Variants in GPR173 observed in about 807,000 individuals in gnomAD.
GPR173 encodes the protein G protein-coupled receptor 173.
Under a neutral mutation model 13.9 loss-of-function variants are expected in GPR173, and 2 were observed. The observed-to-expected ratio is 0.14, with a 90% CI of 0.06 to 0.45. The LOEUF is 0.45. Among genes scored for constraint, GPR173 ranks in the 20% least tolerant of loss-of-function variants. The pLI, the probability that GPR173 is intolerant of heterozygous loss-of-function variation, is 0.98. For missense variants in GPR173, 202 were observed against 340.5 expected, an observed-to-expected ratio of 0.59 and a Z score of 3.20; for synonymous variants, 131 against 141.0, an observed-to-expected ratio of 0.93 and a Z score of 0.50.
rs1356671714 is a variant in GPR173 at position 53,079,717 on chromosome X, G to C, written c.*1974G>C. The stretch of plus-strand genomic sequence containing the variant: ...AGGCACTCCTGAAGAAAACTTGCCC[G>C]GTGCACACACGTAAAATGCCTGTAT... On this transcript the variant is annotated 3_prime_UTR_variant, in exon 2 of 2. Coordinates refer to ENST00000332582, the MANE Select transcript of GPR173 (RefSeq NM_018969.6). 8.3e-6 allele frequency: 1 copy of C among 120,942 alleles called. No homozygotes were observed. Among genetic ancestry groups the C allele is most frequent in the Non-Finnish European group, 1.9e-5 (1 of 52,672 alleles). The allele number at this position is 120,942 out of a possible 1,213,427, so 10.0% of individuals were successfully genotyped here.
At chrX:53,062,569 C>CTT (rs1359629881) in intron 1 of GPR173, among the ~76,000 whole-genome samples, 1 of 74,671 alleles carries the variant, frequency 1.3e-5, no homozygotes, top group Non-Finnish European at 2.5e-5. Flanking sequence ...ACATTGTCTT[C>CTT]TTCTTTTTTT....
In GPR173 at chrX:53,054,148, A is replaced by ATGTG. The variant is rs782051170; in HGVS notation, c.-98+4680_-98+4683dup. 1.3e-3 allele frequency among the ~76,000 whole-genome samples: 135 copies of ATGTG among 106,700 alleles called. 2 individuals carry two copies. The Middle Eastern group carries it at 0.014, about 11-fold the overall frequency. The allele number at this position is 106,700 out of a possible 115,157, so 92.7% of individuals were successfully genotyped here. A position where few individuals can be genotyped will look rare whatever the true frequency, so the allele number is the denominator to read the frequency against. ...AAGTATCTTAATAGAGTGTGTGTGT[A>ATGTG]TGTGTGTGTGTGTGTGTGTAGACTG... On this transcript the variant is annotated intron_variant, in intron 1 of 1. Transcript: ENST00000332582.
Position 53,077,795 on chromosome X carries a change from G to A in GPR173, c.*52G>A, listed in dbSNP as rs1556806102. 1.9e-6 allele frequency: 2 copies of A among 1,033,730 alleles called. No homozygotes were observed. Among genetic ancestry groups the A allele is most frequent in the Non-Finnish European group, 2.7e-6 (2 of 747,763 alleles). The allele number at this position is 1,033,730 out of a possible 1,213,427, so 85.2% of individuals were successfully genotyped here. A position where few individuals can be genotyped will look rare whatever the true frequency, so the allele number is the denominator to read the frequency against. On this transcript the variant is annotated 3_prime_UTR_variant, in exon 2 of 2. Transcript: ENST00000332582. The stretch of plus-strand genomic sequence containing the variant: ...GAGAAGGTCATGGCCACCGTGATGG[G>A]GCCAACAGCAAGGGAGGGGTAGGGG...
chrX:53,069,880 T>C (rs1556804622), intron 1 of GPR173, among the ~76,000 whole-genome samples: 1 of 110,911 alleles, frequency 9.0e-6, no homozygotes, highest in African/African-American at 3.3e-5. Flanking sequence ...GTGAGAGAGT[T>C]TGAATCTGTC....
intron 1 of GPR173, among the ~76,000 whole-genome samples, chrX:53,049,975 T>TGTGTGTGTGTGTGC (rs782276225): frequency 2.9e-5 from 3 of 104,879 alleles, no homozygotes; most frequent in African/African-American, 1.1e-4. Flanking sequence ...TGTGTGTGTG[T>TGTGTGTGTGTGTGC]GCACCTGGGT....
At chrX:53,052,865 T>C (rs1490424400) in intron 1 of GPR173, among the ~76,000 whole-genome samples, 4 of 62,073 alleles carry the variant, frequency 6.4e-5, no homozygotes, top group Non-Finnish European at 1.1e-4. Flanking sequence ...TGTGTGAGGA[T>C]GTGTGTGTGT....
intron 1 of GPR173, among the ~76,000 whole-genome samples, chrX:53,049,985 T>C (rs1931934918): frequency 9.7e-6 from 1 of 103,261 alleles, no homozygotes; most frequent in African/African-American, 3.7e-5. Context: ...TGCACCTGGG[T>C]AGCAAGCAGG....
intron 1 of GPR173, among the ~76,000 whole-genome samples, chrX:53,050,887 T>G (rs1001493701): frequency 1.8e-5 from 2 of 111,455 alleles, no homozygotes; most frequent in African/African-American, 6.5e-5. Flanking sequence ...CCCACTCCAG[T>G]CTTCTTTCCC....
At chrX:53,076,330 C>G (rs782285966) in intron 1 of GPR173, among the ~76,000 whole-genome samples, 195 bp from the exon 2 acceptor site, 1 of 109,842 alleles carries the variant, frequency 9.1e-6, no homozygotes, top group East Asian at 2.9e-4. Context: ...GTGTCAATCT[C>G]AATCCATTTA....
chrX:53,056,461 C>T (rs1392828228), intron 1 of GPR173, among the ~76,000 whole-genome samples: 1 of 108,779 alleles, frequency 9.2e-6, no homozygotes, highest in East Asian at 2.9e-4. Context: ...ATGTGTATAT[C>T]TAAATAGGAT....
intron 1 of GPR173, among the ~76,000 whole-genome samples, chrX:53,073,732 G>A (rs370707750): frequency 5.3e-5 from 5 of 94,232 alleles, no homozygotes; most frequent in African/African-American, 2.0e-4. Context: ...GACAGGACAA[G>A]GCAGGCAATA....
chrX:53,069,001 G>A (rs1556804522), intron 1 of GPR173, among the ~76,000 whole-genome samples: 1 of 84,313 alleles, frequency 1.2e-5, no homozygotes, highest in Non-Finnish European at 2.2e-5. Flanking sequence ...TGTCACCCAA[G>A]CTGGAGTGCA....
Position 53,079,789 on chromosome X carries a change from C to A in GPR173, c.*2046C>A, listed in dbSNP as rs993159214. 3 of 122,114 alleles carry A rather than the reference C, an allele frequency of 2.5e-5. No homozygotes were observed. The East Asian group carries it at 8.6e-4, about 35-fold the overall frequency. 10.1% of individuals were successfully genotyped at this position (122,114 alleles called of 1,213,427 possible). On this transcript the variant is annotated 3_prime_UTR_variant, in exon 2 of 2. Coordinates refer to ENST00000332582, the MANE Select transcript of GPR173 (RefSeq NM_018969.6). Reference sequence around the variant, plus strand: ...GCATGCATACACACACACACACACACACCACAGTTGAGAGGAGACAAACTA... The same window carrying A: ...GCATGCATACACACACACACACACAAACCACAGTTGAGAGGAGACAAACTA...
At chrX:53,075,344 A>G (rs1556805679) in intron 1 of GPR173, among the ~76,000 whole-genome samples, 1 of 103,776 alleles carries the variant, frequency 9.6e-6, no homozygotes, top group African/African-American at 3.5e-5. Context: ...CATCTTCCCC[A>G]CCCCTAGCAC....
At chrX:53,050,061 C>T (rs1178393021) in intron 1 of GPR173, among the ~76,000 whole-genome samples, 12 of 109,635 alleles carry the variant, frequency 1.1e-4, no homozygotes, top group African/African-American at 3.3e-4. Flanking sequence ...TTCCTCCTTT[C>T]CTTCCTTCCT....
intron 1 of GPR173, among the ~76,000 whole-genome samples, chrX:53,072,998 G>A (rs1556804955): frequency 9.0e-6 from 1 of 111,146 alleles, no homozygotes; most frequent in African/African-American, 3.3e-5. Context: ...CAAGGCGGGC[G>A]AATCATTTGA....
chrX:53,072,139 G>C (rs1327071807), intron 1 of GPR173, among the ~76,000 whole-genome samples: 1 of 106,347 alleles, frequency 9.4e-6, no homozygotes, highest in African/African-American at 3.4e-5. Context: ...CTATTGTTTG[G>C]GGGGGATGTG....
chrX:53,072,674 C>G (rs1932278252), intron 1 of GPR173, among the ~76,000 whole-genome samples: 1 of 110,816 alleles, frequency 9.0e-6, no homozygotes, highest in African/African-American at 3.3e-5. Context: ...CAGTCTCTGT[C>G]TGTCTCTATC....
intron 1 of GPR173, among the ~76,000 whole-genome samples, chrX:53,068,807 G>A (rs1214703309): frequency 2.7e-5 from 2 of 75,463 alleles, no homozygotes; most frequent in African/African-American, 1.6e-4. Context: ...ATAAATGAAG[G>A]CTAGGCGTGA....
Sources: gnomAD v4.1 joint callset for allele counts (sites outside exome capture counted in the v4.1 genomes callset) on GRCh38, gnomAD v4.1.1 for gene constraint, MANE v1.5 for transcripts, NCBI Gene and HGNC (gene_info 2026-07-23, HGNC 2026-07-21) for gene names.